The following RAVER2 variants were observed in gnomAD, a reference collection of about 807,000 sequenced individuals.
RAVER2 encodes ribonucleoprotein PTB-binding 2.
RAVER2 carries 46 observed loss-of-function variants against 78.1 expected under a neutral mutation model. The ratio of observed to expected loss-of-function variants is 0.59; its 90% CI spans 0.46 to 0.75. The LOEUF is 0.75. Ranked by LOEUF, RAVER2 falls within the 30% of genes least tolerant of loss-of-function variation. The pLI is 0.00. For synonymous variants in RAVER2, 311 were observed against 313.3 expected, an observed-to-expected ratio of 0.99 and a Z score of 0.08; for missense variants, 793 against 837.5, an observed-to-expected ratio of 0.95 and a Z score of 0.66.
chr1:64,769,797 T>C (rs1046241887), intron 2 of RAVER2, among the ~76,000 whole-genome samples: 20 of 152,198 alleles, frequency 1.3e-4, no homozygotes, highest in African/African-American at 4.8e-4. Context: ...CCTTTTGTTT[T>C]GTTATGCCAT....
intron 2 of RAVER2, among the ~76,000 whole-genome samples, chr1:64,774,295 G>GT (rs1169498430): frequency 3.3e-5 from 5 of 152,104 alleles, no homozygotes; most frequent in African/African-American, 7.2e-5. Context: ...TTCTTCTAGG[G>GT]TTTTTATGGT....
chr1:64,772,526 A>T (rs1294362813), intron 2 of RAVER2, among the ~76,000 whole-genome samples: 1 of 152,098 alleles, frequency 6.6e-6, no homozygotes, highest in African/African-American at 2.4e-5. Flanking sequence ...TTACGATGTG[A>T]TGTGATCTAT....
At chr1:64,791,155 G>A (rs1001539978) in intron 5 of RAVER2, among the ~76,000 whole-genome samples, 1 of 152,192 alleles carries the variant, frequency 6.6e-6, no homozygotes, top group Non-Finnish European at 1.5e-5. Context: ...CTTGAATGCA[G>A]AGCTTCTGTG....
intron 5 of RAVER2, among the ~76,000 whole-genome samples, chr1:64,791,825 C>T (rs2100855246): frequency 6.6e-6 from 1 of 152,234 alleles, no homozygotes; most frequent in East Asian, 1.9e-4. Flanking sequence ...CTGGTTCCAC[C>T]TCTGAAGAAA....
In RAVER2 at chr1:64,806,894, C is replaced by T. The variant is rs577410417; in HGVS notation, c.1412-312C>T. On this transcript the variant is annotated intron_variant, in intron 8 of 11. Coordinates refer to ENST00000294428, the Ensembl canonical transcript of RAVER2. Reference sequence around the variant, plus strand: ...AATACAGCTTAAATGCCAAAAAGTACATAAACTTTGCCCTCAACTTTAACA... The same window carrying T: ...AATACAGCTTAAATGCCAAAAAGTATATAAACTTTGCCCTCAACTTTAACA... Among the ~76,000 whole-genome samples the T allele has an allele frequency of 2.6e-5, 4 of 152,160 alleles. No individual in the cohort carries two copies. In the South Asian group the frequency reaches 8.3e-4, roughly 32 times the overall value.
intron 4 of RAVER2, among the ~76,000 whole-genome samples, chr1:64,787,997 C>T (rs1281927806): frequency 6.6e-6 from 1 of 152,138 alleles, no homozygotes. Flanking sequence ...TCCATTTTCT[C>T]ATAGCTGAAA....
At chr1:64,775,968 A>G (rs890409785) in intron 2 of RAVER2, among the ~76,000 whole-genome samples, 1 of 149,560 alleles carries the variant, frequency 6.7e-6, no homozygotes, top group Non-Finnish European at 1.5e-5. Context: ...TGATGAGCTG[A>G]GATCGGCACC....
At chr1:64,792,478 C>T (rs1032361501) in intron 5 of RAVER2, among the ~76,000 whole-genome samples, 3 of 152,200 alleles carry the variant, frequency 2.0e-5, no homozygotes, top group African/African-American at 7.2e-5. Context: ...TCTGGGCTAT[C>T]TTTACTAATT....
At chr1:64,821,839 A>T (rs1289495567) in intron 11 of RAVER2, among the ~76,000 whole-genome samples, 1 of 152,228 alleles carries the variant, frequency 6.6e-6, no homozygotes, top group Non-Finnish European at 1.5e-5. Context: ...AGGCAATACC[A>T]TCCTGGACAC....
At chr1:64,830,922 G>T in exon 12 of RAVER2, 1 of 1,613,736 alleles carries the variant, frequency 6.2e-7, no homozygotes, top group Non-Finnish European at 8.5e-7. Context: ...GTGTTGACCA[G>T]CATTCTCAGG....
intron 4 of RAVER2, among the ~76,000 whole-genome samples, chr1:64,785,008 C>G (rs186762848): frequency 1.8e-4 from 28 of 152,270 alleles, no homozygotes; most frequent in African/African-American, 6.7e-4. Context: ...CACAGGAGAG[C>G]TCTTTCTCAT....
rs541777680 is a variant in RAVER2, at chr1:64,748,517, A to G, written c.249+3096A>G. ...CAAATTGTCCTTAACAGTAAAGAAC[A>G]GTGAATCTGAATTAGACTGTTGCAA... On this transcript the variant is annotated intron_variant, in intron 1 of 11. Coordinates refer to ENST00000294428, the Ensembl canonical transcript of RAVER2. Among the ~76,000 whole-genome samples, 142 of 152,362 alleles carry G rather than the reference A, an allele frequency of 9.3e-4. 1 individual carries two copies. The highest frequency in any genetic ancestry group is 3.3e-3 in the African/African-American group (138 of 41,582).
intron 5 of RAVER2, among the ~76,000 whole-genome samples, chr1:64,796,341 T>C (rs959453813): frequency 6.6e-6 from 1 of 152,056 alleles, no homozygotes; most frequent in Admixed American, 6.5e-5. Flanking sequence ...AGAGTTTATG[T>C]TCAGTGCTAT....
intron 11 of RAVER2, among the ~76,000 whole-genome samples, chr1:64,823,555 T>C (rs968505066): frequency 6.6e-6 from 1 of 152,238 alleles, no homozygotes; most frequent in Non-Finnish European, 1.5e-5. Context: ...GGTCCTTCTA[T>C]GTCAAATGGT....
intron 5 of RAVER2, among the ~76,000 whole-genome samples, chr1:64,793,527 CTG>C (rs1466721593): frequency 6.6e-6 from 1 of 152,078 alleles, no homozygotes. Context: ...ATAGTATAAA[CTG>C]TATTTTTTTA....
intron 9 of RAVER2, among the ~76,000 whole-genome samples, chr1:64,811,681 A>G (rs111760836): frequency 2.0e-5 from 3 of 152,240 alleles, no homozygotes; most frequent in African/African-American, 7.2e-5. Flanking sequence ...AATACAGTAT[A>G]TAATACATGT....
chr1:64,776,161 G>T (rs771399987), intron 2 of RAVER2, among the ~76,000 whole-genome samples: 3 of 152,100 alleles, frequency 2.0e-5, no homozygotes, highest in Non-Finnish European at 4.4e-5. Context: ...ACTGTTGTTG[G>T]CTCGTTTGTT....
intron 3 of RAVER2, 32 bp from the exon 4 acceptor site, chr1:64,781,348 G>A: frequency 1.4e-5 from 21 of 1,481,852 alleles, no homozygotes; most frequent in Non-Finnish European, 1.9e-5. Context: ...GTAAAGATCG[G>A]AATTACTGTT....
chr1:64,783,223 G>A (rs1652683697), intron 4 of RAVER2, among the ~76,000 whole-genome samples: 1 of 152,162 alleles, frequency 6.6e-6, no homozygotes, highest in Non-Finnish European at 1.5e-5. Flanking sequence ...TAGCATGATT[G>A]ATAATCCTTT....
Sources: allele counts gnomAD v4.1 joint callset (sites outside exome capture counted in the v4.1 genomes callset), GRCh38; gene constraint gnomAD v4.1.1; transcripts MANE v1.5; gene names NCBI Gene and HGNC (gene_info 2026-07-23, HGNC 2026-07-21).